The following PCDHGA12 variants were observed in gnomAD, a reference collection of about 807,000 sequenced individuals.
PCDHGA12 encodes the protein protocadherin gamma-A12.
Under a neutral mutation model 61.1 loss-of-function variants are expected in PCDHGA12, and 43 were observed. The ratio of observed to expected loss-of-function variants is 0.70; its 90% CI spans 0.55 to 0.91. The LOEUF (loss-of-function observed/expected upper bound fraction) is 0.91, where lower values mean the gene tolerates loss of function less well. Ranked by LOEUF, PCDHGA12 falls within the 40% of genes least tolerant of loss-of-function variation. The pLI, the probability that PCDHGA12 is intolerant of heterozygous loss-of-function variation, is 0.00. For synonymous variants in PCDHGA12, 520 were observed against 542.9 expected (o/e 0.96, Z 0.59); for missense variants, 1,236 against 1,227.7 (o/e 1.01, Z -0.10).
intron 1 of PCDHGA12, among the ~76,000 whole-genome samples, chr5:141,452,947 G>C (rs2098752833): frequency 6.6e-6 from 1 of 152,144 alleles, no homozygotes; most frequent in Non-Finnish European, 1.5e-5. Flanking sequence ...GCTTGCAATT[G>C]GTTGTCTTTA....
At chr5:141,500,929 C>T (rs1347340945) in intron 2 of PCDHGA12, among the ~76,000 whole-genome samples, 2 of 151,210 alleles carry the variant, frequency 1.3e-5, no homozygotes, top group South Asian at 2.1e-4. Flanking sequence ...GGTGCAGTGG[C>T]GCCATCTCGG....
At chr5:141,471,422 A>T (rs919676109) in intron 1 of PCDHGA12, 5 of 152,176 alleles carry the variant, frequency 3.3e-5, no homozygotes, top group Non-Finnish European at 5.9e-5. Context: ...GTTTTTAGCA[A>T]GGAAAGTGTA....
At position 141,476,097 on chromosome 5, in the gene PCDHGA12, A is replaced by G. The variant is rs1366023758; in HGVS notation, c.2425-18710A>G. 1 of 1,571,812 alleles carries G rather than the reference A, an allele frequency of 6.4e-7. No individual in the cohort carries two copies. Among genetic ancestry groups the G allele is most frequent in the African/African-American group, 1.4e-5 (1 of 73,826 alleles). ...CAGGGACGATCTGGACCCCGCTGAG[A>G]GGAACTGCTTTTGAGTGAGATGGTC... On this transcript the variant is annotated intron_variant, in intron 1 of 3. Coordinates refer to ENST00000252085, the MANE Select transcript of PCDHGA12 (RefSeq NM_003735.3). The surrounding 1 kb of genome is among the most constrained non-coding windows in gnomAD (Gnocchi z 7.6).
chr5:141,491,479 C>T lies in PCDHGA12; in HGVS notation c.2425-3328C>T. On this transcript the variant is annotated intron_variant, in intron 1 of 3. Transcript: ENST00000252085. The surrounding 1 kb of genome is among the most constrained non-coding windows in gnomAD (Gnocchi z 6.9). ...CCCGGACTTCTATAAGCAGTCCAGCCCCAACCTGCAGGTGAGCTCGGACGG... is the reference window on the plus strand; with the variant it reads ...CCCGGACTTCTATAAGCAGTCCAGCTCCAACCTGCAGGTGAGCTCGGACGG... 1 of 1,614,144 alleles carries T rather than the reference C, an allele frequency of 6.2e-7. No homozygotes were observed. Among genetic ancestry groups the T allele is most frequent in the Non-Finnish European group, 8.5e-7 (1 of 1,180,024 alleles).
chr5:141,453,721 A>G (rs373983847), intron 1 of PCDHGA12, among the ~76,000 whole-genome samples: 4 of 152,244 alleles, frequency 2.6e-5, no homozygotes, highest in East Asian at 1.9e-4. Flanking sequence ...CTATAAAAAT[A>G]TTTGTTACTA....
rs768079276 is a variant in PCDHGA12, at chr5:141,490,997, G to A, written c.2425-3810G>A. On this transcript the variant is annotated intron_variant, in intron 1 of 3. Transcript: ENST00000252085. The surrounding 1 kb of genome is among the most constrained non-coding windows in gnomAD (Gnocchi z 5.4). ...CGTCTCCCTCGCTCTGCTCCTCCTG[G>A]CTCCTTGGTCACCAAGGTGACAGCC... 1.2e-6 allele frequency: 2 copies of A among 1,614,032 alleles called. No individual in the cohort carries two copies. Among genetic ancestry groups the A allele is most frequent in the Admixed American group, 1.7e-5 (1 of 60,030 alleles).
chr5:141,505,633 A>C, intron 3 of PCDHGA12, 152 bp downstream of exon 3: 3 of 1,471,286 alleles, frequency 2.0e-6, no homozygotes, highest in South Asian at 1.3e-5. Context: ...TCCAAACATA[A>C]AGCCTGGAAT....
chr5:141,475,721 G>A (rs867365261), intron 1 of PCDHGA12, among the ~76,000 whole-genome samples: 1 of 152,248 alleles, frequency 6.6e-6, no homozygotes. Context: ...ACAGCCCCAA[G>A]GCTGGCTTTC....
intron 1 of PCDHGA12, among the ~76,000 whole-genome samples, chr5:141,450,259 C>A (rs1243327669): frequency 6.6e-6 from 1 of 152,118 alleles, no homozygotes; most frequent in East Asian, 1.9e-4. Context: ...CTCAAGTGAT[C>A]TGCCCACCTC....
chr5:141,431,397 C>A lies in PCDHGA12; in HGVS notation c.638C>A (p.Thr213Lys). ...EEKAAHHLVLTASDGGDPVRT... is the reference protein window; with the variant it reads ...EEKAAHHLVLKASDGGDPVRT... ...AAGGCTGCTCACCACCTGGTCCTTA[C>A]GGCCTCCGACGGGGGCGACCCGGTG... Residue 213 changes from threonine to lysine, a missense_variant, in exon 1 of 4, where the codon ACG becomes AAG. By Grantham distance (78) the Thr-to-Lys change is moderately conservative. Coordinates refer to ENST00000252085, the MANE Select transcript of PCDHGA12 (RefSeq NM_003735.3). The surrounding 1 kb of genome is among the most constrained non-coding windows in gnomAD (Gnocchi z 4.8). 3.1e-6 allele frequency: 5 copies of A among 1,613,782 alleles called. No individual in the cohort carries two copies. Among genetic ancestry groups the A allele is most frequent in the Non-Finnish European group, 4.2e-6 (5 of 1,180,034 alleles).
intron 1 of PCDHGA12, among the ~76,000 whole-genome samples, chr5:141,458,101 G>C (rs530847477): frequency 3.3e-5 from 5 of 152,200 alleles, no homozygotes; most frequent in Non-Finnish European, 7.4e-5. Flanking sequence ...AGTACTTACA[G>C]ATAGTCTCCA....
intron 1 of PCDHGA12, among the ~76,000 whole-genome samples, chr5:141,459,376 G>A (rs72790056): frequency 0.022 from 3,347 of 152,266 alleles, 53 homozygotes; most frequent in South Asian, 0.04. Flanking sequence ...TATCAGCAGC[G>A]TGTTCCATTT....
intron 1 of PCDHGA12, among the ~76,000 whole-genome samples, chr5:141,449,753 C>T (rs1260240861): frequency 6.6e-6 from 1 of 151,246 alleles, no homozygotes; most frequent in East Asian, 1.9e-4. Context: ...ATTTTTATGA[C>T]ATTTGAGAGT....
At chr5:141,464,618 C>G (rs1425657373) in intron 1 of PCDHGA12, among the ~76,000 whole-genome samples, 2 of 152,092 alleles carry the variant, frequency 1.3e-5, no homozygotes, top group Non-Finnish European at 2.9e-5. Context: ...AGTATATTGT[C>G]AAGCTTTTTA....
intron 3 of PCDHGA12, 77 bp downstream of exon 3, chr5:141,505,558 C>T (rs945428797): frequency 3.7e-6 from 6 of 1,605,016 alleles, no homozygotes; most frequent in African/African-American, 1.3e-5. Context: ...ACCATGCCCA[C>T]GGACTGGATG....
intron 1 of PCDHGA12, among the ~76,000 whole-genome samples, chr5:141,470,205 G>T (rs934926584): frequency 6.6e-6 from 1 of 152,094 alleles, no homozygotes; most frequent in Non-Finnish European, 1.5e-5. Flanking sequence ...AAATATGAAG[G>T]CTAAACCATT....
Position 141,489,601 on chromosome 5 carries a change from G to A in PCDHGA12, c.2425-5206G>A. On this transcript the variant is annotated intron_variant, in intron 1 of 3. Transcript: ENST00000252085. This position sits in a 1 kb window ranked among gnomAD's most constrained non-coding sequence, Gnocchi z 4.5. ...CCCCCTGGAGCTAATCCGTGTAGAG[G>A]TAGAGATCCTGGATCTCAATGACAA... 2 of 1,614,042 alleles carry A rather than the reference G, an allele frequency of 1.2e-6. No individual in the cohort carries two copies. Among genetic ancestry groups the A allele is most frequent in the East Asian group, 4.5e-5 (2 of 44,882 alleles).
chr5:141,448,543 G>C (rs1001667281), intron 1 of PCDHGA12, among the ~76,000 whole-genome samples: 3 of 151,988 alleles, frequency 2.0e-5, no homozygotes, highest in Admixed American at 6.6e-5. Context: ...CATTTCTTAT[G>C]CAAATATGTA....
At chr5:141,481,913 C>CAAAAA (rs34114744) in intron 1 of PCDHGA12, among the ~76,000 whole-genome samples, 2 of 90,852 alleles carry the variant, frequency 2.2e-5, no homozygotes, top group Non-Finnish European at 4.4e-5. Flanking sequence ...AACTCCATCT[C>CAAAAA]AAAAAAAAAA....
Sources: allele counts gnomAD v4.1 joint callset (sites outside exome capture counted in the v4.1 genomes callset), GRCh38; gene constraint gnomAD v4.1.1; non-coding constraint Gnocchi (gnomAD v3.1); transcripts MANE v1.5; gene names NCBI Gene and HGNC (gene_info 2026-07-23, HGNC 2026-07-21).